LAMA2: variants seen among roughly 807,000 people sequenced by gnomAD.
LAMA2 encodes laminin subunit alpha 2.
In LAMA2, 269 loss-of-function variants were observed where a neutral mutation model predicts 364.8. The ratio of observed to expected loss-of-function variants is 0.74; its 90% CI spans 0.67 to 0.82. The LOEUF (loss-of-function observed/expected upper bound fraction) is 0.82, where lower values mean the gene tolerates loss of function less well. Ranked by LOEUF, LAMA2 falls within the 40% of genes least tolerant of loss-of-function variation. LAMA2 has a pLI of 0.00. For missense variants in LAMA2, 3,807 were observed against 3,873.2 expected (o/e 0.98, Z 0.45); for synonymous variants, 1,379 against 1,370.6 (o/e 1.01, Z -0.14).
intron 37 of LAMA2, among the ~76,000 whole-genome samples, chr6:129,400,079 T>C (rs1779882653): frequency 6.6e-6 from 1 of 152,184 alleles, no homozygotes; most frequent in Admixed American, 6.5e-5. Flanking sequence ...GATCAAAGTA[T>C]TGGCAGATTT....
At chr6:129,039,700 A>T (rs1022693062) in intron 1 of LAMA2, among the ~76,000 whole-genome samples, 2 of 152,126 alleles carry the variant, frequency 1.3e-5, no homozygotes, top group African/African-American at 4.8e-5. Context: ...TCAGGATGAA[A>T]CTGTTCCACC....
chr6:128,972,207 GA>G (rs1782227833), intron 1 of LAMA2, among the ~76,000 whole-genome samples: 1 of 152,090 alleles, frequency 6.6e-6, no homozygotes, highest in South Asian at 2.1e-4. Flanking sequence ...TACACTGTTT[GA>G]AAAACCTTAT....
chr6:129,028,582 A>T (rs1786001614), intron 1 of LAMA2, among the ~76,000 whole-genome samples: 1 of 151,846 alleles, frequency 6.6e-6, no homozygotes, highest in African/African-American at 2.4e-5. Flanking sequence ...TAGCCAAGCA[A>T]ATATATAGAA....
rs901079768 is a variant in LAMA2 at position 129,465,451 on chromosome 6, G to T, written c.7300+162G>T. Among the ~76,000 whole-genome samples the T allele has an allele frequency of 4.6e-5, 7 of 151,812 alleles. No individual in the cohort carries two copies. In the East Asian group the frequency reaches 1.2e-3, roughly 25 times the overall value. ...TTTGGCTTAGATTATAGGTGATTTG[G>T]GTTAGACATGACTGATTGAAGAGCC... On this transcript the variant is annotated intron_variant, in intron 51 of 64. Transcript: ENST00000421865.
chr6:129,025,288 G>A (rs1346958411), intron 1 of LAMA2, among the ~76,000 whole-genome samples: 1 of 152,010 alleles, frequency 6.6e-6, no homozygotes, highest in Non-Finnish European at 1.5e-5. Flanking sequence ...TCGTTTATCT[G>A]TAGTAAGTAA....
chr6:129,046,257 CATTGT>C (rs1787486716), intron 1 of LAMA2, among the ~76,000 whole-genome samples: 5 of 152,026 alleles, frequency 3.3e-5, no homozygotes, highest in Non-Finnish European at 5.9e-5. Flanking sequence ...GTAAGTGCAC[CATTGT>C]ATTAGTCCAT....
At chr6:129,442,244 T>G in intron 43 of LAMA2, 1 of 1,307,788 alleles carries the variant, frequency 7.6e-7, no homozygotes, top group South Asian at 1.2e-5. Flanking sequence ...ATGGATGCTA[T>G]GATATAATAG....
intron 1 of LAMA2, among the ~76,000 whole-genome samples, chr6:129,011,445 A>G (rs1271982889): frequency 6.6e-6 from 1 of 152,154 alleles, no homozygotes; most frequent in East Asian, 1.9e-4. Flanking sequence ...CCTTGTGCCC[A>G]TATCCATGCC....
chr6:128,954,092 C>T (rs780585352), intron 1 of LAMA2, among the ~76,000 whole-genome samples: 1 of 152,076 alleles, frequency 6.6e-6, no homozygotes, highest in Non-Finnish European at 1.5e-5. Flanking sequence ...AGAAACTTGT[C>T]TCTTCGACCA....
At chr6:129,448,302 GAAA>G (rs1380888191) in intron 45 of LAMA2, among the ~76,000 whole-genome samples, 1 of 151,522 alleles carries the variant, frequency 6.6e-6, no homozygotes, top group Non-Finnish European at 1.5e-5. Flanking sequence ...AAAAAGAGAA[GAAA>G]AAAAGAAAGG....
chr6:129,103,551 G>A lies in LAMA2; in HGVS notation c.639+5136G>A, dbSNP rs541395258. On this transcript the variant is annotated intron_variant, in intron 4 of 64. Transcript: ENST00000421865. ...CTATTTTGCATTTAGTCACTGATCT[G>A]TGACAGTTTTAAGAGATATTTTAAG... Among the ~76,000 whole-genome samples the A allele has an allele frequency of 2.0e-5, 3 of 152,200 alleles. No homozygotes were observed. The South Asian group carries it at 6.2e-4, about 32-fold the overall frequency.
intron 24 of LAMA2, 110 bp downstream of exon 24, chr6:129,314,908 T>C: frequency 8.9e-7 from 1 of 1,118,388 alleles, no homozygotes; most frequent in Non-Finnish European, 1.4e-6. Context: ...TAAGTAACCT[T>C]TTCCTCTGTG....
In LAMA2 at chr6:129,366,247, T is replaced by C; in HGVS notation, c.4746T>C (p.Leu1582=). The C allele has an allele frequency of 6.2e-7, 1 of 1,613,950 alleles. No homozygotes were observed. Among genetic ancestry groups the C allele is most frequent in the Non-Finnish European group, 8.5e-7 (1 of 1,179,974 alleles). ...GTGGAGATGAGTGCACTGGCCTTCT[T>C]CTCGGTGACTTGGCTCGCCTGGAGC... ...VFCGDECTGL[L]LGDLARLEQM... is the part of the protein sequence containing the mutation. Residue 1582 remains leucine (L), a synonymous_variant, in exon 33 of 65, where the codon CTT becomes CTC. Coordinates refer to ENST00000421865, the MANE Select transcript of LAMA2 (RefSeq NM_000426.4).
intron 40 of LAMA2, among the ~76,000 whole-genome samples, chr6:129,423,459 G>A (rs1356144801): frequency 6.6e-6 from 1 of 152,058 alleles, no homozygotes; most frequent in Non-Finnish European, 1.5e-5. Flanking sequence ...GGAGGCTGAG[G>A]CAGGTGGATT....
intron 1 of LAMA2, among the ~76,000 whole-genome samples, chr6:128,907,617 A>T (rs370284624): frequency 6.6e-6 from 1 of 152,098 alleles, no homozygotes; most frequent in Admixed American, 6.5e-5. Context: ...CTAATTGAAT[A>T]CCCTTTATTT....
At chr6:129,013,449 ATT>A (rs1047155963) in intron 1 of LAMA2, among the ~76,000 whole-genome samples, 1 of 151,714 alleles carries the variant, frequency 6.6e-6, no homozygotes, top group African/African-American at 2.4e-5. Flanking sequence ...AAAAAAAAAA[ATT>A]TTTTTTGAAT....
chr6:129,486,029 C>T (rs542873960), intron 55 of LAMA2, among the ~76,000 whole-genome samples: 1 of 152,290 alleles, frequency 6.6e-6, no homozygotes, highest in African/African-American at 2.4e-5. Flanking sequence ...TTTGTGATAG[C>T]GATCTATTCT....
intron 22 of LAMA2, among the ~76,000 whole-genome samples, chr6:129,309,850 A>G (rs1189969969): frequency 1.3e-5 from 2 of 151,936 alleles, no homozygotes; most frequent in African/African-American, 4.8e-5. Context: ...CAATAATTAG[A>G]TAGAAAAATA....
In LAMA2 at chr6:129,278,761, T is replaced by C. The variant is rs995527811; in HGVS notation, c.2451-1300T>C. Among the ~76,000 whole-genome samples, 7 of 152,148 alleles carry C rather than the reference T, an allele frequency of 4.6e-5. No homozygotes were observed. In the South Asian group the frequency reaches 6.2e-4, roughly 13 times the overall value. ...TCAAAGCATCCCAGACCAGCCTTTA[T>C]CTCCTTGACCCAGCAGATTCATTTA... On this transcript the variant is annotated intron_variant, in intron 17 of 64. Coordinates refer to ENST00000421865, the MANE Select transcript of LAMA2 (RefSeq NM_000426.4).
Sources: allele counts gnomAD v4.1 joint callset (sites outside exome capture counted in the v4.1 genomes callset), GRCh38; gene constraint gnomAD v4.1.1; transcripts MANE v1.5; gene names NCBI Gene and HGNC (gene_info 2026-07-23, HGNC 2026-07-21).